Variants in INTS3 observed in about 807,000 individuals in gnomAD.
INTS3 encodes SOSS complex subunit A.
In INTS3, 34 loss-of-function variants were observed where a neutral mutation model predicts 146.3. The ratio of observed to expected loss-of-function variants is 0.23; its 90% CI spans 0.18 to 0.31. The LOEUF (loss-of-function observed/expected upper bound fraction) is 0.31. Ranked by LOEUF, INTS3 falls within the 10% of genes least tolerant of loss-of-function variation. INTS3 has a pLI of 1.00. For missense variants in INTS3, 757 were observed against 1,304.2 expected, an observed-to-expected ratio of 0.58 and a Z score of 6.46; for synonymous variants, 475 against 494.9, an observed-to-expected ratio of 0.96 and a Z score of 0.53.
At chr1:153,739,098 C>G (rs2101784942) in intron 1 of INTS3, among the ~76,000 whole-genome samples, 1 of 151,916 alleles carries the variant, frequency 6.6e-6, no homozygotes, top group African/African-American at 2.4e-5. Context: ...GAGTCTCACT[C>G]TGTCGCCCAG....
intron 25 of INTS3, 58 bp from the exon 26 acceptor site, chr1:153,771,738 C>T: frequency 6.5e-7 from 1 of 1,528,794 alleles, no homozygotes; most frequent in East Asian, 2.3e-5. Context: ...GTGGGAGAGA[C>T]CCAGCATGCC....
intron 7 of INTS3, 114 bp from the exon 8 acceptor site, chr1:153,752,165 A>T: frequency 9.5e-7 from 1 of 1,047,170 alleles, no homozygotes; most frequent in Non-Finnish European, 1.5e-6. Flanking sequence ...TAGTTTCTTC[A>T]ACCCTCTTTC....
intron 19 of INTS3, 26 bp from the exon 20 acceptor site, chr1:153,764,917 TC>T (rs768127884): frequency 6.2e-7 from 1 of 1,613,928 alleles, no homozygotes; most frequent in Non-Finnish European, 8.5e-7. Flanking sequence ...AAAGTTCTGT[TC>T]CTCTCCTCCC....
intron 1 of INTS3, 38 bp downstream of exon 1, chr1:153,728,822 GTTT>G: frequency 8.8e-7 from 1 of 1,141,476 alleles, no homozygotes. Flanking sequence ...AAGAAATTGG[GTTT>G]TGGAGGGATA....
At chr1:153,759,989 T>G in intron 11 of INTS3, 1 of 502,466 alleles carries the variant, frequency 2.0e-6, no homozygotes, top group Non-Finnish European at 3.6e-6. Flanking sequence ...CTCTTGGGTC[T>G]GCTCAGTGGA....
At position 153,728,064 on chromosome 1, in the gene INTS3, C is replaced by T. The variant is rs1323887047; in HGVS notation, c.-571C>T. The T allele has an allele frequency of 4.7e-5, 9 of 192,318 alleles. No individual in the cohort carries two copies. The highest frequency in any genetic ancestry group is 9.3e-5 in the Non-Finnish European group (9 of 97,086). 11.9% of individuals were successfully genotyped at this position (192,318 alleles called of 1,614,324 possible). A position where few individuals can be genotyped will look rare whatever the true frequency, so the allele number is the denominator to read the frequency against. ...CCCCGCCCTCCGCCTTCCCACCCCCCGCCCTTCCACTATGGCCGCTTCTGT... is the reference window on the plus strand; with the variant it reads ...CCCCGCCCTCCGCCTTCCCACCCCCTGCCCTTCCACTATGGCCGCTTCTGT... On this transcript the variant is annotated 5_prime_UTR_variant, in exon 1 of 30. Transcript: ENST00000318967.
chr1:153,760,497 G>T, intron 12 of INTS3, 107 bp downstream of exon 12: 1 of 917,746 alleles, frequency 1.1e-6, no homozygotes. Flanking sequence ...TTGACTGAGA[G>T]CAGAAATGGT....
chr1:153,732,068 T>C (rs1331315034), intron 1 of INTS3, among the ~76,000 whole-genome samples: 2 of 151,562 alleles, frequency 1.3e-5, no homozygotes, highest in African/African-American at 4.9e-5. Flanking sequence ...CACTCCTGGC[T>C]AATTTTTGTA....
At chr1:153,762,925 C>T in intron 15 of INTS3, 78 bp downstream of exon 15, 2 of 1,547,966 alleles carry the variant, frequency 1.3e-6, no homozygotes, top group East Asian at 4.5e-5. Flanking sequence ...CCTCTCTGCA[C>T]TCTTCCTGTC....
Position 153,728,457 on chromosome 1 carries a change from C to G in INTS3, c.-178C>G. 1 of 703,500 alleles carries G rather than the reference C, an allele frequency of 1.4e-6. No homozygotes were observed. Among genetic ancestry groups the G allele is most frequent in the Non-Finnish European group, 2.3e-6 (1 of 436,016 alleles). The allele number at this position is 703,500 out of a possible 1,614,324, so 43.6% of individuals were successfully genotyped here. A position where few individuals can be genotyped will look rare whatever the true frequency, so the allele number is the denominator to read the frequency against. ...AGGACCCAGAGGACTGTGCCTTCGC[C>G]CCCAACGCAGGCGCGGCCTTTTGGA... is the stretch of plus-strand genomic sequence containing the variant. On this transcript the variant is annotated 5_prime_UTR_variant, in exon 1 of 30. Coordinates refer to ENST00000318967, the MANE Select transcript of INTS3 (RefSeq NM_023015.5).
chr1:153,733,673 C>T (rs918483946), intron 1 of INTS3, among the ~76,000 whole-genome samples: 1 of 151,698 alleles, frequency 6.6e-6, no homozygotes, highest in Non-Finnish European at 1.5e-5. Context: ...AGTGGCGCGA[C>T]AGCTCCCTGC....
intron 1 of INTS3, among the ~76,000 whole-genome samples, chr1:153,733,746 A>G (rs544491236): frequency 2.0e-3 from 309 of 151,584 alleles, no homozygotes; most frequent in African/African-American, 7.2e-3. Context: ...CTGGGACTAC[A>G]AGTGTGCGCC....
intron 6 of INTS3, among the ~76,000 whole-genome samples, chr1:153,750,502 G>A (rs939254062): frequency 2.6e-5 from 4 of 152,132 alleles, no homozygotes; most frequent in East Asian, 1.9e-4. Flanking sequence ...GTGGGGACTC[G>A]TTGTGTATCA....
chr1:153,747,431 G>C lies in INTS3; in HGVS notation c.517+68G>C, dbSNP rs981691159. ...CCAGAGACTACATAGAGACAATGGA[G>C]AATGATTAAGTGCCAAAGGGATGGA... On this transcript the variant is annotated intron_variant, in intron 5 of 29. Coordinates refer to ENST00000318967, the MANE Select transcript of INTS3 (RefSeq NM_023015.5). 9 of 1,188,076 alleles carry C rather than the reference G, an allele frequency of 7.6e-6. No homozygotes were observed. The African/African-American group carries it at 1.4e-4, about 18-fold the overall frequency. 73.6% of individuals were successfully genotyped at this position (1,188,076 alleles called of 1,614,324 possible). A position where few individuals can be genotyped will look rare whatever the true frequency, so the allele number is the denominator to read the frequency against.
In INTS3 at chr1:153,757,547, T is replaced by C. The variant is rs1329334580; in HGVS notation, c.958-25T>C. 1.2e-6 allele frequency: 2 copies of C among 1,608,512 alleles called. No homozygotes were observed. Among genetic ancestry groups the C allele is most frequent in the Non-Finnish European group, 1.7e-6 (2 of 1,175,498 alleles). On this transcript the variant is annotated intron_variant, in intron 9 of 29. Coordinates refer to ENST00000318967, the MANE Select transcript of INTS3 (RefSeq NM_023015.5). The surrounding 1 kb of genome is among the most constrained non-coding windows in gnomAD (Gnocchi z 4.0). ...GGACCCCACACTGTCTTCTAAGGTC[T>C]TTTTCTTGCTTCCCCTTTCCCCAGG...
Position 153,762,595 on chromosome 1 carries a change from C to T in INTS3, c.1517-133C>T, listed in dbSNP as rs1391655159. On this transcript the variant is annotated intron_variant, in intron 14 of 29. Coordinates refer to ENST00000318967, the MANE Select transcript of INTS3 (RefSeq NM_023015.5). ...AGGTTTGTCAAGAGGTTTGTCCTCC[C>T]AGGGTCAGTATTCCATTTAGATGAT... is the stretch of plus-strand genomic sequence containing the variant. The T allele has an allele frequency of 5.5e-6, 6 of 1,092,848 alleles. No individual in the cohort carries two copies. In the African/African-American group the frequency reaches 9.4e-5, roughly 17 times the overall value. 67.7% of individuals were successfully genotyped at this position (1,092,848 alleles called of 1,614,324 possible). A position where few individuals can be genotyped will look rare whatever the true frequency, so the allele number is the denominator to read the frequency against.
Position 153,772,041 on chromosome 1 carries a change from TGG to T in INTS3, c.2720+79_2720+80del. ...CTGTCGGTGGTGGTGGTGGTGGTGG[TGG>T]TGGTGGTGATGGGGGTCAGTGCTGT... On this transcript the variant is annotated intron_variant, in intron 26 of 29. Transcript: ENST00000318967. This position sits in a 1 kb window ranked among gnomAD's most constrained non-coding sequence, Gnocchi z 4.6. The T allele has an allele frequency of 2.4e-6, 3 of 1,274,058 alleles. No individual in the cohort carries two copies. The highest frequency in any genetic ancestry group is 2.9e-5 in the African/African-American group (2 of 67,934). 78.9% of individuals were successfully genotyped at this position (1,274,058 alleles called of 1,614,324 possible). A position where few individuals can be genotyped will look rare whatever the true frequency, so the allele number is the denominator to read the frequency against.
At chr1:153,771,039 C>T (rs1048098838) in intron 25 of INTS3, among the ~76,000 whole-genome samples, 1 of 151,918 alleles carries the variant, frequency 6.6e-6, no homozygotes, top group Non-Finnish European at 1.5e-5. Context: ...CCCGCCGCGC[C>T]CCCCCCACCG....
In INTS3 at chr1:153,768,918, G is replaced by C. The variant is rs772415653; in HGVS notation, c.2270G>C (p.Gly757Ala). ...TTTCCAGATGAAACCTTGAGGAGCG[G>C]AGAGCTGCTGAACATGATCGTGGCT... is the stretch of plus-strand genomic sequence containing the variant. Reference protein sequence around the residue: ...TEFPDETLRSGELLNMIVAVI... With the variant: ...TEFPDETLRSAELLNMIVAVI... Residue 757 changes from glycine to alanine, a missense_variant, in exon 22 of 30, where the codon GGA becomes GCA. Coordinates refer to ENST00000318967, the MANE Select transcript of INTS3 (RefSeq NM_023015.5). The C allele has an allele frequency of 6.2e-7, 1 of 1,614,016 alleles. No individual in the cohort carries two copies. The highest frequency in any genetic ancestry group is 2.2e-5 in the East Asian group (1 of 44,888).
Sources: gnomAD v4.1 joint callset for allele counts (sites outside exome capture counted in the v4.1 genomes callset) on GRCh38, gnomAD v4.1.1 for gene constraint, Gnocchi (gnomAD v3.1) non-coding constraint, MANE v1.5 for transcripts, NCBI Gene and HGNC (gene_info 2026-07-23, HGNC 2026-07-21) for gene names.